VWA8: variants seen among roughly 807,000 people sequenced by gnomAD.
The protein encoded by VWA8 is von Willebrand factor A domain-containing protein 8.
In VWA8, 221 loss-of-function variants were observed where a neutral mutation model predicts 241.5. The ratio of observed to expected loss-of-function variants is 0.91; its 90% confidence interval spans 0.82 to 1.02. VWA8 has a LOEUF of 1.02. Ranked by LOEUF, VWA8 falls within the 50% of genes least tolerant of loss-of-function variation. The pLI, the probability that VWA8 is intolerant of heterozygous loss-of-function variation, is 0.00. For synonymous variants in VWA8, 852 were observed against 827.1 expected, an observed-to-expected ratio of 1.03 and a Z score of -0.52; for missense variants, 2,322 against 2,328.7, an observed-to-expected ratio of 1.00 and a Z score of 0.06.
chr13:41,662,635 A>T (rs1275441880), intron 37 of VWA8, among the ~76,000 whole-genome samples: 2 of 149,258 alleles, frequency 1.3e-5, no homozygotes, highest in Non-Finnish European at 3.0e-5. Flanking sequence ...CCTAATCTGG[A>T]TATCTTTTAT....
chr13:41,757,245 C>T (rs2045700827), intron 21 of VWA8, among the ~76,000 whole-genome samples: 1 of 151,658 alleles, frequency 6.6e-6, no homozygotes. Flanking sequence ...TTTCTTATTT[C>T]TTCCTATATC....
chr13:41,873,613 A>C (rs1873751185), intron 9 of VWA8, among the ~76,000 whole-genome samples: 1 of 152,070 alleles, frequency 6.6e-6, no homozygotes, highest in Non-Finnish European at 1.5e-5. Flanking sequence ...CGACACATAC[A>C]CTCTCCCAAG....
At chr13:41,884,265 C>T (rs756619779) in intron 8 of VWA8, among the ~76,000 whole-genome samples, 6 of 152,138 alleles carry the variant, frequency 3.9e-5, no homozygotes, top group Non-Finnish European at 7.3e-5. Context: ...ATCATGGAGG[C>T]AGTTAACCTC....
chr13:41,626,074 G>T (rs1464543702), intron 37 of VWA8, among the ~76,000 whole-genome samples: 2 of 113,560 alleles, frequency 1.8e-5, no homozygotes, highest in African/African-American at 6.9e-5. Context: ...ACACTCTGGG[G>T]ACTGTTGTGG....
chr13:41,922,897 A>T (rs1291475595), intron 2 of VWA8, among the ~76,000 whole-genome samples: 1 of 152,258 alleles, frequency 6.6e-6, no homozygotes, highest in Non-Finnish European at 1.5e-5. Flanking sequence ...AGGATCTAGA[A>T]CTAGAAATAT....
intron 14 of VWA8, among the ~76,000 whole-genome samples, chr13:41,827,262 T>C (rs1409911819): frequency 6.6e-6 from 1 of 152,194 alleles, no homozygotes; most frequent in Admixed American, 6.5e-5. Context: ...AACAAAATTA[T>C]TATATAACTC....
intron 37 of VWA8, among the ~76,000 whole-genome samples, chr13:41,620,281 T>C (rs2044647917): frequency 6.6e-6 from 1 of 152,188 alleles, no homozygotes; most frequent in Non-Finnish European, 1.5e-5. Flanking sequence ...TATGCTCTGA[T>C]GGTAGTTTGT....
intron 18 of VWA8, among the ~76,000 whole-genome samples, chr13:41,784,729 TACACACAC>T (rs1555335120): frequency 0.012 from 692 of 58,708 alleles, 17 homozygotes; most frequent in Non-Finnish European, 0.015. Context: ...TATATATATA[TACACACAC>T]ATATATATAT....
In VWA8 at chr13:41,588,949, C is replaced by A. The variant is rs116404405; in HGVS notation, c.5113-1279G>T. ...ATGCTTCCATGACTACTCACAATTT[C>A]AGATGTATCCAAACACATTTGTTGA... On this transcript the variant is annotated intron_variant, in intron 41 of 44. Coordinates refer to ENST00000379310, the MANE Select transcript of VWA8 (RefSeq NM_015058.2). Among the ~76,000 whole-genome samples, 220 of 152,296 alleles carry A rather than the reference C, an allele frequency of 1.4e-3. 3 individuals carry two copies. The highest frequency in any genetic ancestry group is 5.1e-3 in the African/African-American group (210 of 41,554).
chr13:41,952,801 TCAAA>T (rs1878194280), intron 1 of VWA8, among the ~76,000 whole-genome samples: 1 of 152,026 alleles, frequency 6.6e-6, no homozygotes, highest in Non-Finnish European at 1.5e-5. Flanking sequence ...GACAGTACAT[TCAAA>T]CTGAGTAACT....
intron 37 of VWA8, among the ~76,000 whole-genome samples, chr13:41,641,790 A>G (rs1011922904): frequency 1.4e-5 from 2 of 146,322 alleles, no homozygotes; most frequent in Admixed American, 1.4e-4. Flanking sequence ...TAATGCAAAG[A>G]AGATTTTTAT....
At chr13:41,656,155 T>C (rs1440665401) in intron 37 of VWA8, among the ~76,000 whole-genome samples, 7 of 152,242 alleles carry the variant, frequency 4.6e-5, no homozygotes, top group African/African-American at 1.7e-4. Flanking sequence ...TGTCAGATTT[T>C]TCTCTTTCTG....
chr13:41,670,095 T>C (rs1057175704), intron 37 of VWA8, among the ~76,000 whole-genome samples: 1 of 152,122 alleles, frequency 6.6e-6, no homozygotes, highest in Non-Finnish European at 1.5e-5. Context: ...TAATCAGGTA[T>C]TGACGAAATA....
intron 17 of VWA8, among the ~76,000 whole-genome samples, chr13:41,809,774 G>C (rs1320199966): frequency 6.6e-6 from 1 of 152,110 alleles, no homozygotes; most frequent in Non-Finnish European, 1.5e-5. Context: ...GAGTTAAAAA[G>C]CTTCTTGGGC....
chr13:41,574,214 A>AATTC lies in VWA8; in HGVS notation c.5370+1522_5370+1525dup, dbSNP rs1410686968. 3.3e-5 allele frequency among the ~76,000 whole-genome samples: 5 copies of AATTC among 152,172 alleles called. No homozygotes were observed. The East Asian group carries it at 9.7e-4, about 29-fold the overall frequency. ...AGAAAACCCTAAAGTCTGATAAATG[A>AATTC]ATTCAGTAAAGTCTCAGGTTACAAA... On this transcript the variant is annotated intron_variant, in intron 43 of 44. Transcript: ENST00000379310.
intron 17 of VWA8, among the ~76,000 whole-genome samples, chr13:41,790,116 CTGAA>C (rs766235881): frequency 6.6e-5 from 10 of 152,058 alleles, no homozygotes; most frequent in Non-Finnish European, 1.3e-4. Flanking sequence ...ACATAGTTAA[CTGAA>C]TGAATGAACA....
intron 44 of VWA8, among the ~76,000 whole-genome samples, chr13:41,570,130 C>T (rs1008646167): frequency 2.0e-5 from 3 of 152,040 alleles, no homozygotes; most frequent in African/African-American, 7.2e-5. Flanking sequence ...GATTTGAACA[C>T]AAAATGATTA....
At chr13:41,927,374 T>C (rs1019240405) in intron 2 of VWA8, 6 of 519,348 alleles carry the variant, frequency 1.2e-5, no homozygotes, top group Non-Finnish European at 2.4e-5. Context: ...GCAAGTTGTA[T>C]AAGTCAAGCA....
chr13:41,913,173 C>T (rs1876092233), intron 2 of VWA8, among the ~76,000 whole-genome samples: 1 of 151,920 alleles, frequency 6.6e-6, no homozygotes, highest in South Asian at 2.1e-4. Flanking sequence ...TTTAATAAAT[C>T]TCAGTAAACT....
Sources: gnomAD v4.1 joint callset for allele counts (sites outside exome capture counted in the v4.1 genomes callset) on GRCh38, gnomAD v4.1.1 for gene constraint, MANE v1.5 for transcripts, NCBI Gene and HGNC (gene_info 2026-07-23, HGNC 2026-07-21) for gene names.